The following FLOT1 variants were observed in gnomAD, a reference collection of about 807,000 sequenced individuals.
FLOT1 encodes flotillin 1.
A neutral mutation model predicts 58.4 loss-of-function variants in FLOT1; 40 were observed. The observed-to-expected ratio is 0.69, with a 90% CI of 0.53 to 0.89. FLOT1 has a LOEUF of 0.89. FLOT1 is among the 40% of genes least tolerant of loss of function. The pLI is 0.00. For synonymous variants in FLOT1, 178 were observed against 204.2 expected (o/e 0.87, Z 1.09); for missense variants, 423 against 540.8 (o/e 0.78, Z 2.16).
chr6:30,734,427 G>C lies in FLOT1; in HGVS notation c.724-3327C>G, dbSNP rs556979277. ...AGGTTCAAGTGATTCTCCTGCCTCA[G>C]CCTCCCGAGTAGCTGGGACTGCAGG... is the stretch of plus-strand genomic sequence containing the variant. On this transcript the variant is annotated intron_variant, in intron 8 of 12. Transcript: ENST00000376389. 7.3e-5 allele frequency among the ~76,000 whole-genome samples: 11 copies of C among 151,352 alleles called. No homozygotes were observed. In the East Asian group the frequency reaches 2.1e-3, roughly 30 times the overall value.
chr6:30,740,220 C>A lies in FLOT1; in HGVS notation c.661G>T (p.Ala221Ser). The A allele has an allele frequency of 6.2e-7, 1 of 1,613,026 alleles. No homozygotes were observed. Among genetic ancestry groups the A allele is most frequent in the Non-Finnish European group, 8.5e-7 (1 of 1,180,030 alleles). Residue 221 changes from alanine to serine, a missense_variant, in exon 8 of 13, where the codon GCC becomes TCC. Physicochemically the swap from Ala to Ser is moderately conservative, Grantham distance 99. Transcript: ENST00000376389. Reference sequence around the variant, plus strand: ...GTGTTGACCTCGATGTCATAGGCGGCCTTCTTCAGTTCGTAATCTCTCTGT... The same window carrying A: ...GTGTTGACCTCGATGTCATAGGCGGACTTCTTCAGTTCGTAATCTCTCTGT... Reference protein sequence around the residue: ...KAQRDYELKKAAYDIEVNTRR... With the variant: ...KAQRDYELKKSAYDIEVNTRR...
chr6:30,731,604 C>T (rs1777209197), intron 8 of FLOT1, among the ~76,000 whole-genome samples: 1 of 151,992 alleles, frequency 6.6e-6, no homozygotes, highest in Non-Finnish European at 1.5e-5. Flanking sequence ...CTATTTTTCC[C>T]ACGTGTGCCC....
rs891200138 is a variant in FLOT1 at position 30,730,962 on chromosome 6, C to T, written c.862G>A (p.Glu288Lys). The T allele has an allele frequency of 1.2e-6, 2 of 1,613,862 alleles. No homozygotes were observed. Among genetic ancestry groups the T allele is most frequent in the Non-Finnish European group, 1.7e-6 (2 of 1,179,970 alleles). The change falls in exon 9 of 13, where the codon GAA becomes AAA. Residue 288 changes from glutamate to lysine, a missense_variant. Glu to Lys is a moderately conservative substitution (Grantham distance 56). Around this residue, in one of 6 missense-constraint regions of FLOT1, gnomAD observed 106 missense variants for 88.4 expected, o/e 1.20. Transcript: ENST00000376389. ...ELEARVRKPA[E>K]AERYKLERLA... ...CGCTCCAGCTTGTAGCGCTCCGCTT[C>T]CGCTGGCTTCCGCACCCGGGCCTCC...
At chr6:30,736,998 C>G (rs1211546911) in intron 8 of FLOT1, among the ~76,000 whole-genome samples, 1 of 152,026 alleles carries the variant, frequency 6.6e-6, no homozygotes. Context: ...CAATAGCTTT[C>G]CACTGTGCTT....
intron 8 of FLOT1, 98 bp downstream of exon 8, chr6:30,740,060 C>A: frequency 8.1e-7 from 1 of 1,228,498 alleles, no homozygotes; most frequent in East Asian, 2.4e-5. Flanking sequence ...AGAATAAGAC[C>A]AAAGTTAAAG....
At chr6:30,733,740 C>CAA (rs35048121) in intron 8 of FLOT1, among the ~76,000 whole-genome samples, 11,199 of 62,334 alleles carry the variant, frequency 0.18, 841 homozygotes, top group South Asian at 0.27. Flanking sequence ...AAATCCATCT[C>CAA]AAAAAAAAAA....
rs774960591 is a variant in FLOT1 at position 30,730,012 on chromosome 6, G to A, written c.1254+10C>T. 2.5e-6 allele frequency: 4 copies of A among 1,612,628 alleles called. No homozygotes were observed. The East Asian group carries it at 8.9e-5, about 36-fold the overall frequency. ...TAGCAATTCTCCTCAGCTCCAACCT[G>A]AGACCTCACCTGGGAGATGCTCACG... On this transcript the variant is annotated intron_variant, in intron 12 of 12. Transcript: ENST00000376389.
At position 30,727,936 on chromosome 6, in the gene FLOT1, G is replaced by A. The variant is rs895734587; in HGVS notation, c.*180C>T. The A allele has an allele frequency of 4.5e-6, 3 of 660,884 alleles. No homozygotes were observed. The highest frequency in any genetic ancestry group is 3.5e-5 in the African/African-American group (2 of 56,844). 40.9% of individuals were successfully genotyped at this position (660,884 alleles called of 1,614,324 possible). ...CTGGAGTTGGCAATCATAGCAGTGT[G>A]AGGTTGGCAAGGGGAGCAACCCCCT... On this transcript the variant is annotated 3_prime_UTR_variant, in exon 13 of 13. Transcript: ENST00000376389.
Position 30,730,004 on chromosome 6 carries a change from T to C in FLOT1, c.1254+18A>G. The C allele has an allele frequency of 6.2e-7, 1 of 1,612,184 alleles. No individual in the cohort carries two copies. On this transcript the variant is annotated intron_variant, in intron 12 of 12. Transcript: ENST00000376389. ...CAGGAACCTAGCAATTCTCCTCAGC[T>C]CCAACCTGAGACCTCACCTGGGAGA...
rs1352301214 is a variant in FLOT1, at chr6:30,737,888, T to C, written c.723+2270A>G. 1.3e-5 allele frequency among the ~76,000 whole-genome samples: 2 copies of C among 152,200 alleles called. No homozygotes were observed. Among genetic ancestry groups the C allele is most frequent in the African/African-American group, 2.4e-5 (1 of 41,454 alleles). The stretch of plus-strand genomic sequence containing the variant: ...ATTTATAGCCTCACCTCCAAAATGG[T>C]GTCTAGCACATAGAAGGCACTTAAC... On this transcript the variant is annotated intron_variant, in intron 8 of 12. Transcript: ENST00000376389. This position sits in a 1 kb window ranked among gnomAD's most constrained non-coding sequence, Gnocchi z 4.4.
chr6:30,736,848 C>G (rs151141463), intron 8 of FLOT1, among the ~76,000 whole-genome samples: 11,199 of 151,934 alleles, frequency 0.074, 656 homozygotes, highest in African/African-American at 0.16. Context: ...CCACCTCGGC[C>G]TCCCAAAGTG....
Position 30,737,200 on chromosome 6 carries a change from ACTGT to A in FLOT1, c.723+2954_723+2957del, listed in dbSNP as rs148129292. Among the ~76,000 whole-genome samples the A allele has an allele frequency of 4.2e-5, 6 of 143,890 alleles. No individual in the cohort carries two copies. The highest frequency in any genetic ancestry group is 4.2e-4 in the East Asian group (2 of 4,790). The allele number at this position is 143,890 out of a possible 152,430, so 94.4% of individuals were successfully genotyped here. On this transcript the variant is annotated intron_variant, in intron 8 of 12. Coordinates refer to ENST00000376389, the MANE Select transcript of FLOT1 (RefSeq NM_005803.4). The surrounding 1 kb of genome is among the most constrained non-coding windows in gnomAD (Gnocchi z 4.4). Reference sequence around the variant, plus strand: ...CCACGTATGACTGACTGACTGACTGACTGTCTGTCGTCCGTCCGTCCGTCCGTCC... The same window carrying A: ...CCACGTATGACTGACTGACTGACTGACTGTCGTCCGTCCGTCCGTCCGTCC...
chr6:30,727,793 C>T lies in FLOT1; in HGVS notation c.*323G>A. On this transcript the variant is annotated 3_prime_UTR_variant, in exon 13 of 13. Transcript: ENST00000376389. ...AAAGTTGAAAACCTCCAGCCCATCC[C>T]TCAGTCTTGGTCAGGAAAATATTCT... 2.0e-6 allele frequency: 1 copy of T among 496,994 alleles called. No individual in the cohort carries two copies. Among genetic ancestry groups the T allele is most frequent in the Non-Finnish European group, 3.6e-6 (1 of 275,592 alleles). 30.8% of individuals were successfully genotyped at this position (496,994 alleles called of 1,614,324 possible). A position where few individuals can be genotyped will look rare whatever the true frequency, so the allele number is the denominator to read the frequency against.
intron 12 of FLOT1, among the ~76,000 whole-genome samples, chr6:30,728,672 G>A (rs760208452): frequency 6.6e-6 from 1 of 151,780 alleles, no homozygotes; most frequent in African/African-American, 2.4e-5. Flanking sequence ...GTATCACCAT[G>A]TTGGCCAGGG....
intron 8 of FLOT1, among the ~76,000 whole-genome samples, chr6:30,734,117 C>T (rs948154894): frequency 9.5e-5 from 14 of 147,754 alleles, no homozygotes; most frequent in Non-Finnish European, 2.1e-4. Context: ...AGATCTCTCT[C>T]TCTCTAGAAG....
chr6:30,735,448 T>TA (rs540194352), intron 8 of FLOT1, among the ~76,000 whole-genome samples: 1,966 of 126,360 alleles, frequency 0.016, 21 homozygotes, highest in African/African-American at 0.023. Context: ...CCCTCTCTAC[T>TA]AAAAAAAAAA....
chr6:30,730,614 G>C (rs777089619), intron 10 of FLOT1, 49 bp from the exon 11 acceptor site: 22 of 1,613,810 alleles, frequency 1.4e-5, no homozygotes, highest in Middle Eastern at 1.6e-4. Flanking sequence ...TTAAGAACAA[G>C]AAATCCCCGA....
chr6:30,730,355 C>T, intron 11 of FLOT1, 73 bp downstream of exon 11: 1 of 1,523,822 alleles, frequency 6.6e-7, no homozygotes, highest in South Asian at 1.3e-5. Context: ...TCTCCCTAAG[C>T]CCCTCACTAC....
At position 30,742,149 on chromosome 6, in the gene FLOT1, G is replaced by C. The variant is rs1778040711; in HGVS notation, c.41C>G (p.Ser14Cys). ...GGGAAGGGAACAACAGTACTTACCG[G>C]AGACCACCATGGCCTCATTTGGGCC... is the stretch of plus-strand genomic sequence containing the variant. ...TCGPNEAMVV[S>C]GFCRSPPVMV... Residue 14 changes from serine to cysteine, a missense_variant and splice_region_variant, in exon 2 of 13, where the codon TCC becomes TGC. Physicochemically the swap from Ser to Cys is moderately radical, Grantham distance 112 (BLOSUM62 -1). Transcript: ENST00000376389. The surrounding 1 kb of genome is among the most constrained non-coding windows in gnomAD (Gnocchi z 5.2). 1 of 1,612,726 alleles carries C rather than the reference G, an allele frequency of 6.2e-7. No individual in the cohort carries two copies. Among genetic ancestry groups the C allele is most frequent in the Non-Finnish European group, 8.5e-7 (1 of 1,180,004 alleles).
Sources: gnomAD v4.1 joint callset for allele counts (sites outside exome capture counted in the v4.1 genomes callset) on GRCh38, gnomAD v4.1.1 for gene constraint, gnomAD v4.1.1 regional missense constraint, Gnocchi (gnomAD v3.1) non-coding constraint, MANE v1.5 for transcripts, NCBI Gene and HGNC (gene_info 2026-07-23, HGNC 2026-07-21) for gene names.